The following PARD3 variants were observed in gnomAD, a reference collection of about 807,000 sequenced individuals.
The protein encoded by PARD3 is par-3 family cell polarity regulator, also known as partitioning defective 3 homolog.
In PARD3, 75 loss-of-function variants were observed where a neutral mutation model predicts 155.4. That is an observed-to-expected ratio of 0.48 (90% CI 0.40 to 0.58). The LOEUF (loss-of-function observed/expected upper bound fraction) is 0.58, where lower values mean the gene tolerates loss of function less well. PARD3 is among the 20% of genes least tolerant of loss of function. The probability of loss-of-function intolerance (pLI) is 0.00; values close to 1 mark genes in which losing one functional copy is unlikely to be tolerated. For synonymous variants in PARD3, 576 were observed against 610.5 expected (o/e 0.94, Z 0.83); for missense variants, 1,642 against 1,721.7 (o/e 0.95, Z 0.82).
At chr10:34,796,528 C>A (rs1842260846) in intron 1 of PARD3, among the ~76,000 whole-genome samples, 1 of 152,216 alleles carries the variant, frequency 6.6e-6, no homozygotes, top group African/African-American at 2.4e-5. Flanking sequence ...AAAATTCTTA[C>A]ATGGACATTA....
intron 12 of PARD3, among the ~76,000 whole-genome samples, chr10:34,367,057 A>G (rs545752497): frequency 2.0e-5 from 3 of 152,354 alleles, no homozygotes; most frequent in African/African-American, 7.2e-5. Context: ...GTTTTGCACA[A>G]TTATTAATCT....
chr10:34,750,013 C>G (rs556084252), intron 1 of PARD3, among the ~76,000 whole-genome samples: 5 of 149,486 alleles, frequency 3.3e-5, no homozygotes, highest in Middle Eastern at 3.4e-3. Context: ...CAGAACGAGA[C>G]CCCCTCTCAA....
intron 3 of PARD3, among the ~76,000 whole-genome samples, chr10:34,507,133 T>C (rs2081119447): frequency 6.6e-6 from 1 of 152,200 alleles, no homozygotes; most frequent in Non-Finnish European, 1.5e-5. Flanking sequence ...ATATACACCA[T>C]TATTTTTAAA....
chr10:34,710,003 G>A (rs372580582), intron 1 of PARD3, among the ~76,000 whole-genome samples: 51 of 152,166 alleles, frequency 3.4e-4, no homozygotes, highest in South Asian at 1.5e-3. Context: ...TTGGAGAGGC[G>A]GGGGGACAGG....
At chr10:34,603,209 T>C (rs775410378) in intron 2 of PARD3, among the ~76,000 whole-genome samples, 4 of 152,168 alleles carry the variant, frequency 2.6e-5, no homozygotes, top group Non-Finnish European at 4.4e-5. Context: ...TGTCCCAGAA[T>C]GAAGCAATAG....
At chr10:34,609,409 A>C (rs961682066) in intron 2 of PARD3, among the ~76,000 whole-genome samples, 17 of 152,220 alleles carry the variant, frequency 1.1e-4, no homozygotes, top group African/African-American at 4.1e-4. Context: ...TGCAAGGCAA[A>C]CACCACCAAT....
chr10:34,291,906 T>C (rs990939139), intron 20 of PARD3, among the ~76,000 whole-genome samples: 2 of 152,172 alleles, frequency 1.3e-5, no homozygotes, highest in Admixed American at 6.5e-5. Flanking sequence ...GAGTAAATCT[T>C]GCATTGCCGG....
chr10:34,243,336 AAGTACATTGCCCAATAC>A (rs1953728535), intron 22 of PARD3, among the ~76,000 whole-genome samples: 1 of 152,208 alleles, frequency 6.6e-6, no homozygotes, highest in African/African-American at 2.4e-5. Context: ...AACATATATT[AAGTACATTGCCCAATAC>A]ATCACATTCA....
At chr10:34,745,681 T>C (rs1835218982) in intron 1 of PARD3, among the ~76,000 whole-genome samples, 1 of 152,210 alleles carries the variant, frequency 6.6e-6, no homozygotes, top group South Asian at 2.1e-4. Context: ...GGCTCATGCC[T>C]GTAATCCCAG....
At chr10:34,403,942 T>C (rs999007916) in intron 5 of PARD3, among the ~76,000 whole-genome samples, 2 of 152,158 alleles carry the variant, frequency 1.3e-5, no homozygotes, top group Non-Finnish European at 2.9e-5. Flanking sequence ...ACTACTGAAA[T>C]GCCACCAAGA....
At chr10:34,533,093 C>T (rs538397504) in intron 2 of PARD3, among the ~76,000 whole-genome samples, 3 of 152,098 alleles carry the variant, frequency 2.0e-5, no homozygotes, top group Non-Finnish European at 4.4e-5. Context: ...AGAAAAAGTA[C>T]AATAAGAATA....
intron 1 of PARD3, among the ~76,000 whole-genome samples, chr10:34,758,884 T>C (rs1244201770): frequency 6.6e-6 from 1 of 152,138 alleles, no homozygotes; most frequent in Non-Finnish European, 1.5e-5. Flanking sequence ...ATACTAGGTG[T>C]GACTGAAACG....
Position 34,594,537 on chromosome 10 carries a change from T to TGCCAGAAAACCTCAA in PARD3, c.223-77379_223-77378insTTGAGGTTTTCTGGC, listed in dbSNP as rs1372962566. On this transcript the variant is annotated intron_variant, in intron 2 of 24. Coordinates refer to ENST00000374788, the MANE Select transcript of PARD3 (RefSeq NM_001184785.2). ...CAGAAAACCTCAAGAATGGAGTAAG[T>TGCCAGAAAACCTCAA]GATGCCAGGAATTACGACGACAGGA... 2.4e-3 allele frequency among the ~76,000 whole-genome samples: 361 copies of TGCCAGAAAACCTCAA among 152,208 alleles called. 1 individual carries two copies. Among genetic ancestry groups the TGCCAGAAAACCTCAA allele is most frequent in the African/African-American group, 7.9e-3 (329 of 41,524 alleles).
At chr10:34,626,299 C>A (rs757978059) in intron 2 of PARD3, among the ~76,000 whole-genome samples, 34 of 152,298 alleles carry the variant, frequency 2.2e-4, no homozygotes, top group Non-Finnish European at 4.0e-4. Context: ...GGTACACTAG[C>A]AGCCCTTTTC....
intron 2 of PARD3, among the ~76,000 whole-genome samples, chr10:34,623,144 T>C (rs1445334155): frequency 6.6e-6 from 1 of 152,066 alleles, no homozygotes; most frequent in African/African-American, 2.4e-5. Context: ...CAAAAGCATA[T>C]GGGAATATAA....
chr10:34,604,360 T>A (rs1355774471), intron 2 of PARD3, among the ~76,000 whole-genome samples: 1 of 151,904 alleles, frequency 6.6e-6, no homozygotes, highest in African/African-American at 2.4e-5. Flanking sequence ...TCCAACAAAT[T>A]TAAAGCAGGC....
At chr10:34,674,341 A>C (rs1254159196) in intron 2 of PARD3, among the ~76,000 whole-genome samples, 1 of 152,166 alleles carries the variant, frequency 6.6e-6, no homozygotes, top group Non-Finnish European at 1.5e-5. Context: ...GGGTATAAAC[A>C]TGACTGTAGA....
At chr10:34,184,443 T>C (rs1950396878) in intron 22 of PARD3, among the ~76,000 whole-genome samples, 1 of 152,178 alleles carries the variant, frequency 6.6e-6, no homozygotes, top group Non-Finnish European at 1.5e-5. Context: ...TGGCACCCCC[T>C]GGCTCATAGG....
chr10:34,606,046 C>CTA (rs1171491275), intron 2 of PARD3, among the ~76,000 whole-genome samples: 14 of 135,078 alleles, frequency 1.0e-4, no homozygotes, highest in East Asian at 2.1e-4. Flanking sequence ...TATATATCTT[C>CTA]TATATATATA....
Sources: gnomAD v4.1 joint callset for allele counts (sites outside exome capture counted in the v4.1 genomes callset) on GRCh38, gnomAD v4.1.1 for gene constraint, MANE v1.5 for transcripts, NCBI Gene and HGNC (gene_info 2026-07-23, HGNC 2026-07-21) for gene names.